The following DCP1A variants were observed in gnomAD, a reference collection of about 807,000 sequenced individuals.
DCP1A encodes mRNA-decapping enzyme 1A.
A neutral mutation model predicts 58.0 loss-of-function variants in DCP1A; 20 were observed. The observed-to-expected ratio is 0.34, with a 90% CI of 0.24 to 0.50. The LOEUF is 0.50. Among genes scored for constraint, DCP1A ranks in the 20% least tolerant of loss-of-function variants. The pLI is 0.98. For synonymous variants in DCP1A, 285 were observed against 275.1 expected, an observed-to-expected ratio of 1.04 and a Z score of -0.36; for missense variants, 613 against 712.2, an observed-to-expected ratio of 0.86 and a Z score of 1.59.
In DCP1A at chr3:53,347,542, C is replaced by G. The variant is rs2089309760; in HGVS notation, c.-25G>C. 1 of 1,587,344 alleles carries G rather than the reference C, an allele frequency of 6.3e-7. No individual in the cohort carries two copies. The highest frequency in any genetic ancestry group is 8.6e-7 in the Non-Finnish European group (1 of 1,167,526). ...TCTTGAATCCCAGAGCCTAGCCCCT[C>G]TGGTGGGGGCGGAGTCGCGGACAGG... On this transcript the variant is annotated 5_prime_UTR_variant, in exon 1 of 10. Coordinates refer to ENST00000610213, the MANE Select transcript of DCP1A (RefSeq NM_018403.7).
At chr3:53,329,253 T>C (rs1708193563) in intron 3 of DCP1A, 2 of 397,154 alleles carry the variant, frequency 5.0e-6, no homozygotes, top group South Asian at 1.3e-4. Context: ...AAGCACACAC[T>C]ACAGCATTTC....
rs200043215 is a variant in DCP1A at position 53,301,278 on chromosome 3, CT to C, written c.624+2898del. 0.014 allele frequency among the ~76,000 whole-genome samples: 2,035 copies of C among 147,906 alleles called. 114 individuals carry two copies. The South Asian group carries it at 0.15, about 11-fold the overall frequency. On this transcript the variant is annotated intron_variant, in intron 6 of 9. Coordinates refer to ENST00000610213, the MANE Select transcript of DCP1A (RefSeq NM_018403.7). ...TAGAAAACAGTTTGGTGGTTTCTTTCTTTTTTTTTTGAGACAGGGTTTTGCT... is the reference window on the plus strand; with the variant it reads ...TAGAAAACAGTTTGGTGGTTTCTTTCTTTTTTTTTGAGACAGGGTTTTGCT...
chr3:53,329,268 A>G, intron 3 of DCP1A: 1 of 397,974 alleles, frequency 2.5e-6, no homozygotes, highest in Non-Finnish European at 4.4e-6. Flanking sequence ...CATTTCTTCT[A>G]CTAAAACTTT....
intron 3 of DCP1A, among the ~76,000 whole-genome samples, chr3:53,341,315 C>T (rs1553692510): frequency 6.6e-6 from 1 of 151,922 alleles, no homozygotes; most frequent in East Asian, 1.9e-4. Context: ...ATTAGCCAGG[C>T]GTGGTGGCGG....
chr3:53,290,676 G>A (rs1339230385), intron 8 of DCP1A, 115 bp downstream of exon 8: 9 of 827,696 alleles, frequency 1.1e-5, no homozygotes, highest in African/African-American at 1.8e-5. Context: ...TCACCTGACT[G>A]TTCACAGCCA....
intron 3 of DCP1A, among the ~76,000 whole-genome samples, chr3:53,324,843 G>A (rs1553690408): frequency 6.6e-6 from 1 of 151,836 alleles, no homozygotes; most frequent in East Asian, 1.9e-4. Context: ...CAACACAGTG[G>A]GACCTTGTTT....
intron 5 of DCP1A, among the ~76,000 whole-genome samples, chr3:53,306,248 G>A (rs902420532): frequency 2.6e-5 from 4 of 152,064 alleles, no homozygotes; most frequent in Non-Finnish European, 1.5e-5. Flanking sequence ...GAATAGCGGC[G>A]GAACATTTGG....
At position 53,286,252 on chromosome 3, in the gene DCP1A, A is replaced by G. The variant is rs782052545; in HGVS notation, c.*1328T>C. Reference sequence around the variant, plus strand: ...AGCTAATCCTTATGCTAGCTGGTTGAGCCAATTGGGTTTTTACCCCATCAT... The same window carrying G: ...AGCTAATCCTTATGCTAGCTGGTTGGGCCAATTGGGTTTTTACCCCATCAT... On this transcript the variant is annotated 3_prime_UTR_variant, in exon 10 of 10. Transcript: ENST00000610213. 3 of 152,228 alleles carry G rather than the reference A, an allele frequency of 2.0e-5. No homozygotes were observed. The highest frequency in any genetic ancestry group is 2.1e-4 in the South Asian group (1 of 4,836). The allele number at this position is 152,228 out of a possible 1,614,324, so 9.4% of individuals were successfully genotyped here. A position where few individuals can be genotyped will look rare whatever the true frequency, so the allele number is the denominator to read the frequency against.
rs1434590987 is a variant in DCP1A, at chr3:53,288,144, C to A, written c.1589G>T (p.Gly530Val). The change falls in exon 9 of 10, where the codon GGA (glycine) becomes GTA (valine). Residue 530 changes from glycine (G) to valine (V), a missense_variant. By Grantham distance (109) the Gly-to-Val change is moderately radical (BLOSUM62 -3). Coordinates refer to ENST00000610213, the MANE Select transcript of DCP1A (RefSeq NM_018403.7). Reference sequence around the variant, plus strand: ...AGGCTTTCTCTGACTTTCTGGCGTTCCAATAGTTAGAGGAGAAGGGGAGCT... The same window carrying A: ...AGGCTTTCTCTGACTTTCTGGCGTTACAATAGTTAGAGGAGAAGGGGAGCT... ...KASSPSPLTIGTPESQRKPSI... is the reference protein window; with the variant it reads ...KASSPSPLTIVTPESQRKPSI... 1 of 1,613,816 alleles carries A rather than the reference C, an allele frequency of 6.2e-7. No homozygotes were observed. The highest frequency in any genetic ancestry group is 1.3e-5 in the African/African-American group (1 of 74,902).
chr3:53,308,679 G>A (rs1199059582), intron 5 of DCP1A, among the ~76,000 whole-genome samples: 1 of 151,920 alleles, frequency 6.6e-6, no homozygotes, highest in East Asian at 1.9e-4. Context: ...CTGCAGCCTC[G>A]AACTGCTGGG....
intron 5 of DCP1A, among the ~76,000 whole-genome samples, chr3:53,311,269 G>A (rs1707634835): frequency 6.6e-6 from 1 of 152,180 alleles, no homozygotes; most frequent in Non-Finnish European, 1.5e-5. Context: ...GGCATGAAAG[G>A]AAAGCACTTA....
At position 53,286,834 on chromosome 3, in the gene DCP1A, T is replaced by C. The variant is rs1207878074; in HGVS notation, c.*746A>G. On this transcript the variant is annotated 3_prime_UTR_variant, in exon 10 of 10. Transcript: ENST00000610213. ...AGTTTAACCTAAAATGAAGATTTGA[T>C]AGGATGTGGGCATTCCCAGCCCCAG... 7.9e-5 allele frequency: 12 copies of C among 152,228 alleles called. No homozygotes were observed. Among genetic ancestry groups the C allele is most frequent in the Admixed American group, 6.5e-4 (10 of 15,276 alleles). The allele number at this position is 152,228 out of a possible 1,614,324, so 9.4% of individuals were successfully genotyped here. A position where few individuals can be genotyped will look rare whatever the true frequency, so the allele number is the denominator to read the frequency against.
chr3:53,329,530 G>T (rs1161029751), intron 3 of DCP1A: 1 of 393,356 alleles, frequency 2.5e-6, no homozygotes, highest in Admixed American at 4.4e-5. Context: ...GGTTAAGCAA[G>T]CTAAAGAGCA....
chr3:53,347,538 C>T lies in DCP1A; in HGVS notation c.-21G>A, dbSNP rs1295403882. On this transcript the variant is annotated 5_prime_UTR_variant, in exon 1 of 10. Coordinates refer to ENST00000610213, the MANE Select transcript of DCP1A (RefSeq NM_018403.7). ...TCCATCTTGAATCCCAGAGCCTAGC[C>T]CCTCTGGTGGGGGCGGAGTCGCGGA... 13 of 1,594,746 alleles carry T rather than the reference C, an allele frequency of 8.2e-6. No homozygotes were observed. The highest frequency in any genetic ancestry group is 6.8e-5 in the African/African-American group (5 of 73,936).
intron 8 of DCP1A, 33 bp from the exon 9 acceptor site, chr3:53,288,316 G>T: frequency 6.4e-7 from 1 of 1,559,462 alleles, no homozygotes; most frequent in African/African-American, 1.4e-5. Flanking sequence ...TTGTACCGAA[G>T]TGCAGAAGCC....
intron 3 of DCP1A, among the ~76,000 whole-genome samples, chr3:53,340,894 A>G (rs547012464): frequency 3.7e-4 from 56 of 152,334 alleles, no homozygotes; most frequent in East Asian, 1.2e-3. Context: ...AAAGCAGAAG[A>G]ATAGTCATAA....
intron 3 of DCP1A, among the ~76,000 whole-genome samples, chr3:53,340,450 G>A (rs1322418561): frequency 1.3e-5 from 2 of 152,130 alleles, no homozygotes; most frequent in African/African-American, 2.4e-5. Flanking sequence ...GTGTGCTACG[G>A]AAAAGAACTT....
rs1553686338 is a variant in DCP1A, at chr3:53,292,760, T to C, written c.692A>G (p.Gln231Arg). 1 of 1,613,724 alleles carries C rather than the reference T, an allele frequency of 6.2e-7. No individual in the cohort carries two copies. Among genetic ancestry groups the C allele is most frequent in the South Asian group, 1.1e-5 (1 of 91,082 alleles). The change falls in exon 7 of 10, where the codon CAA (glutamine) becomes CGA (arginine). Residue 231 changes from glutamine to arginine, a missense_variant. Gln to Arg is a conservative substitution (Grantham distance 43). This residue lies in a region of DCP1A where 498 missense variants were observed against 556.7 expected (regional missense o/e 0.89). Transcript: ENST00000610213. ...TGAATCCAGACCCACAACTGCTGGT[T>C]GTTCCTTTGGCAAAGAGGTTCCAAA... ...ELFGTSLPKEQPAVVGLDSEE... is the reference protein window; with the variant it reads ...ELFGTSLPKERPAVVGLDSEE...
intron 6 of DCP1A, among the ~76,000 whole-genome samples, chr3:53,303,253 G>C (rs1336832783): frequency 6.6e-6 from 1 of 151,896 alleles, no homozygotes; most frequent in Non-Finnish European, 1.5e-5. Flanking sequence ...GCCTGTCCAA[G>C]GGGTGTTACT....
Sources: gnomAD v4.1 joint callset for allele counts (sites outside exome capture counted in the v4.1 genomes callset) on GRCh38, gnomAD v4.1.1 for gene constraint, gnomAD v4.1.1 regional missense constraint, MANE v1.5 for transcripts, NCBI Gene and HGNC (gene_info 2026-07-23, HGNC 2026-07-21) for gene names.